C2CD3: variants seen among roughly 807,000 people sequenced by gnomAD.
The protein encoded by C2CD3 is C2 domain containing 3 centriole elongation regulator, also known as C2 domain-containing protein 3.
A neutral mutation model predicts 234.0 loss-of-function variants in C2CD3; 148 were observed. The ratio of observed to expected loss-of-function variants is 0.63; its 90% CI spans 0.55 to 0.72. The LOEUF (loss-of-function observed/expected upper bound fraction) is 0.72. Ranked by LOEUF, C2CD3 falls within the 30% of genes least tolerant of loss-of-function variation. C2CD3 has a pLI of 0.00. For synonymous variants in C2CD3, 1,000 were observed against 1,035.4 expected (o/e 0.97, Z 0.66); for missense variants, 2,577 against 2,811.5 (o/e 0.92, Z 1.89).
intron 30 of C2CD3, chr11:74,034,523 A>C: frequency 6.2e-7 from 1 of 1,610,264 alleles, no homozygotes. Flanking sequence ...AAATGCTTTC[A>C]GAGACTATCT....
chr11:74,077,773 A>G (rs1458035541), intron 23 of C2CD3, among the ~76,000 whole-genome samples: 158 of 1,144 alleles, frequency 0.14, 1 homozygote, highest in Non-Finnish European at 0.24. Flanking sequence ...AACTTACAGT[A>G]TATATATATA....
chr11:74,038,233 C>CATCT lies in C2CD3; in HGVS notation c.5661-539_5661-536dup, dbSNP rs769918801. Among the ~76,000 whole-genome samples, 3 of 152,286 alleles carry CATCT rather than the reference C, an allele frequency of 2.0e-5. No individual in the cohort carries two copies. The East Asian group carries it at 5.8e-4, about 29-fold the overall frequency. On this transcript the variant is annotated intron_variant, in intron 29 of 32. Transcript: ENST00000334126. ...GGTCAGCTCTGGGCTGATTCCTTTA[C>CATCT]ATCTACTGCACCCAGCATAGTGCTT...
chr11:74,079,857 G>A (rs1279304965), intron 22 of C2CD3, among the ~76,000 whole-genome samples: 1 of 152,026 alleles, frequency 6.6e-6, no homozygotes, highest in East Asian at 1.9e-4. Flanking sequence ...AAAGGTAATA[G>A]AGTACATAAA....
chr11:74,161,319 T>C, intron 3 of C2CD3, 80 bp downstream of exon 3: 1 of 784,422 alleles, frequency 1.3e-6, no homozygotes, highest in East Asian at 2.9e-5. Context: ...GCCATGGACC[T>C]ATCCATTCTA....
At chr11:74,092,083 G>A (rs917113671) in intron 19 of C2CD3, among the ~76,000 whole-genome samples, 1 of 149,580 alleles carries the variant, frequency 6.7e-6, no homozygotes, top group Non-Finnish European at 1.5e-5. Context: ...GACGAGTTTC[G>A]CTTTTGTTGC....
intron 28 of C2CD3, among the ~76,000 whole-genome samples, chr11:74,047,504 C>G (rs891712742): frequency 6.6e-6 from 1 of 152,194 alleles, no homozygotes; most frequent in African/African-American, 2.4e-5. Flanking sequence ...CCAAGGATCT[C>G]TTCATGTGGT....
chr11:74,150,155 T>TA (rs200395607), intron 3 of C2CD3, among the ~76,000 whole-genome samples: 30,531 of 142,438 alleles, frequency 0.21, 3,568 homozygotes, highest in Admixed American at 0.31. Flanking sequence ...TTTCCTTTTG[T>TA]AAAAAAAAAA....
intron 26 of C2CD3, among the ~76,000 whole-genome samples, chr11:74,049,745 G>A (rs912540403): frequency 2.0e-5 from 3 of 152,120 alleles, no homozygotes; most frequent in African/African-American, 7.2e-5. Context: ...TGTATGGTGG[G>A]AAAAAGCTGA....
At chr11:74,165,030 C>T (rs920406369) in intron 2 of C2CD3, among the ~76,000 whole-genome samples, 2 of 151,912 alleles carry the variant, frequency 1.3e-5, no homozygotes, top group Non-Finnish European at 2.9e-5. Context: ...GTGTTTGCAT[C>T]GCTGCACTCC....
intron 29 of C2CD3, 106 bp from the exon 30 acceptor site, chr11:74,037,804 C>T (rs962451699): frequency 2.5e-6 from 2 of 786,894 alleles, no homozygotes; most frequent in African/African-American, 3.4e-5. Context: ...CTTAATACCT[C>T]TCACTTGGTC....
chr11:74,143,535 T>TTATATA (rs143669000), intron 3 of C2CD3, among the ~76,000 whole-genome samples: 17 of 145,862 alleles, frequency 1.2e-4, no homozygotes, highest in Non-Finnish European at 2.4e-4. Context: ...TTTTATATAT[T>TTATATA]TATATATATA....
chr11:74,113,887 A>C lies in C2CD3; in HGVS notation c.1736T>G (p.Phe579Cys), dbSNP rs1015735964. The part of the protein sequence containing the change: ...PKVTTAKKRT[F>C]FVEYHFPVGF... ...CACAGGAAAGTGATATTCTACAAAG[A>C]AAGTGCTAAAAAGAAAAAAAAAGTG... Residue 579 changes from phenylalanine to cysteine, a missense_variant, in exon 11 of 33, where the codon TTC becomes TGC. Transcript: ENST00000334126. 1.3e-6 allele frequency: 2 copies of C among 1,554,504 alleles called. No individual in the cohort carries two copies. The highest frequency in any genetic ancestry group is 2.1e-5 in the Admixed American group (1 of 47,912).
chr11:74,032,430 C>G (rs1952559422), intron 31 of C2CD3, among the ~76,000 whole-genome samples: 1 of 152,078 alleles, frequency 6.6e-6, no homozygotes, highest in South Asian at 2.1e-4. Context: ...AAGTGGTTTC[C>G]TTTCCCCATA....
At chr11:74,045,684 G>A (rs982572894) in intron 28 of C2CD3, among the ~76,000 whole-genome samples, 1 of 151,718 alleles carries the variant, frequency 6.6e-6, no homozygotes, top group Admixed American at 6.6e-5. Context: ...CAATTCTCCT[G>A]CTTCAGTCTC....
intron 3 of C2CD3, among the ~76,000 whole-genome samples, chr11:74,146,429 T>C (rs189123592): frequency 3.9e-5 from 6 of 152,346 alleles, no homozygotes; most frequent in Admixed American, 1.3e-4. Flanking sequence ...CCAAGAGTTG[T>C]ATCCATTTAA....
chr11:74,152,505 G>A (rs1453995484), intron 3 of C2CD3, among the ~76,000 whole-genome samples: 1 of 152,112 alleles, frequency 6.6e-6, no homozygotes, highest in Admixed American at 6.5e-5. Context: ...AATAAACAGA[G>A]GAGGAACTCT....
intron 32 of C2CD3, among the ~76,000 whole-genome samples, chr11:74,017,874 C>T (rs746186014): frequency 2.6e-4 from 39 of 152,330 alleles, no homozygotes; most frequent in Non-Finnish European, 5.1e-4. Flanking sequence ...CTCTTCACTC[C>T]AGCCCCCAGA....
intron 29 of C2CD3, among the ~76,000 whole-genome samples, chr11:74,041,456 T>TAATTAGGCATTTCCCTGTC (rs1488920549): frequency 4.7e-4 from 72 of 152,348 alleles, no homozygotes; most frequent in African/African-American, 1.7e-3. Context: ...CCCTGTCTAC[T>TAATTAGGCATTTCCCTGTC]CTTGGCCAGG....
intron 28 of C2CD3, among the ~76,000 whole-genome samples, chr11:74,047,751 C>A (rs945913961): frequency 3.3e-5 from 5 of 152,312 alleles, no homozygotes; most frequent in Admixed American, 6.5e-5. Context: ...TGGAAAGCAG[C>A]AACCTTATTC....
Sources: gnomAD v4.1 joint callset for allele counts (sites outside exome capture counted in the v4.1 genomes callset) on GRCh38, gnomAD v4.1.1 for gene constraint, MANE v1.5 for transcripts, NCBI Gene and HGNC (gene_info 2026-07-23, HGNC 2026-07-21) for gene names.